The following CADPS2 variants were observed in gnomAD, a reference collection of about 807,000 sequenced individuals.
CADPS2 encodes the protein calcium-dependent secretion activator 2.
A neutral mutation model predicts 172.5 loss-of-function variants in CADPS2; 93 were observed. The observed-to-expected ratio is 0.54, with a 90% confidence interval of 0.46 to 0.64. The LOEUF (loss-of-function observed/expected upper bound fraction) is 0.64, where lower values mean the gene tolerates loss of function less well. Among genes scored for constraint, CADPS2 ranks in the 30% least tolerant of loss-of-function variants. The probability of loss-of-function intolerance (pLI) is 0.00; values close to 1 mark genes in which losing one functional copy is unlikely to be tolerated. For synonymous variants in CADPS2, 546 were observed against 555.2 expected, an observed-to-expected ratio of 0.98 and a Z score of 0.23; for missense variants, 1,420 against 1,565.9, an observed-to-expected ratio of 0.91 and a Z score of 1.57.
At chr7:122,470,556 A>G (rs1304443032) in intron 14 of CADPS2, among the ~76,000 whole-genome samples, 1 of 152,004 alleles carries the variant, frequency 6.6e-6, no homozygotes, top group African/African-American at 2.4e-5. Flanking sequence ...GTGCAGTGGC[A>G]TGATCTTGGC....
chr7:122,380,018 CAAATT>C (rs1006044534), intron 24 of CADPS2, among the ~76,000 whole-genome samples: 1 of 151,932 alleles, frequency 6.6e-6, no homozygotes, highest in Non-Finnish European at 1.5e-5. Flanking sequence ...TAGATGGTAA[CAAATT>C]AATAGGCCAT....
At chr7:122,824,338 A>G (rs1804253310) in intron 1 of CADPS2, among the ~76,000 whole-genome samples, 1 of 152,188 alleles carries the variant, frequency 6.6e-6, no homozygotes. Flanking sequence ...GCTTTTAACC[A>G]TTACCGCCAA....
intron 8 of CADPS2, among the ~76,000 whole-genome samples, chr7:122,537,845 G>T (rs1005061864): frequency 6.6e-6 from 1 of 151,366 alleles, no homozygotes; most frequent in African/African-American, 2.4e-5. Flanking sequence ...AATATTTGAA[G>T]TGAGAAAAAT....
At position 122,742,122 on chromosome 7, in the gene CADPS2, G is replaced by A. The variant is rs149260881; in HGVS notation, c.340-5054C>T. 3.5e-3 allele frequency among the ~76,000 whole-genome samples: 530 copies of A among 152,204 alleles called. 6 individuals are homozygous for A. Among genetic ancestry groups the A allele is most frequent in the African/African-American group, 0.012 (519 of 41,534 alleles). On this transcript the variant is annotated intron_variant, in intron 1 of 29. Coordinates refer to ENST00000449022, the MANE Select transcript of CADPS2 (RefSeq NM_017954.11). Reference sequence around the variant, plus strand: ...AAAATCTAAACAAACTGGGCGCAGCGGCTCATGCCTGTAATCCCAGCATTT... The same window carrying A: ...AAAATCTAAACAAACTGGGCGCAGCAGCTCATGCCTGTAATCCCAGCATTT...
intron 2 of CADPS2, chr7:122,698,459 T>C (rs776932887): frequency 6.2e-7 from 1 of 1,613,922 alleles, no homozygotes; most frequent in Non-Finnish European, 8.5e-7. Flanking sequence ...TTACCAATCA[T>C]AACCACAACG....
chr7:122,596,206 T>C (rs1025943219), intron 6 of CADPS2, among the ~76,000 whole-genome samples: 3 of 152,120 alleles, frequency 2.0e-5, no homozygotes, highest in Non-Finnish European at 2.9e-5. Flanking sequence ...AAAAATGCTA[T>C]ACACACAGGC....
intron 3 of CADPS2, among the ~76,000 whole-genome samples, chr7:122,635,386 G>A (rs1483146598): frequency 2.6e-5 from 4 of 151,396 alleles, no homozygotes; most frequent in East Asian, 3.9e-4. Context: ...CCATTAACTC[G>A]TCATTTAGCA....
rs550554434 is a variant in CADPS2, at chr7:122,554,695, T to C, written c.1336-6A>G. On this transcript the variant is annotated splice_region_variant and splice_polypyrimidine_tract_variant and intron_variant, in intron 7 of 29. Coordinates refer to ENST00000449022, the MANE Select transcript of CADPS2 (RefSeq NM_017954.11). Reference sequence around the variant, plus strand: ...GAAGTTGGGTATAATATCACCTGTATGGAAAAAAAAACCCACATTTAAACG... The same window carrying C: ...GAAGTTGGGTATAATATCACCTGTACGGAAAAAAAAACCCACATTTAAACG... 27 of 1,576,340 alleles carry C rather than the reference T, an allele frequency of 1.7e-5. No homozygotes were observed. Among genetic ancestry groups the C allele is most frequent in the South Asian group, 8.1e-5 (7 of 86,334 alleles).
rs114266073 is a variant in CADPS2 at position 122,719,330 on chromosome 7, C to T, written c.453+17625G>A. Reference sequence around the variant, plus strand: ...AACAAGCTGGAAGTCCCCAACACAGCCTTCCTCCCTGCTCTGAACTTGTTC... The same window carrying T: ...AACAAGCTGGAAGTCCCCAACACAGTCTTCCTCCCTGCTCTGAACTTGTTC... On this transcript the variant is annotated intron_variant, in intron 2 of 29. Transcript: ENST00000449022. 4.4e-3 allele frequency among the ~76,000 whole-genome samples: 670 copies of T among 152,206 alleles called. 9 individuals carry two copies. The highest frequency in any genetic ancestry group is 0.015 in the African/African-American group (621 of 41,554).
chr7:122,685,384 T>C (rs2083502980), intron 2 of CADPS2, among the ~76,000 whole-genome samples: 1 of 152,182 alleles, frequency 6.6e-6, no homozygotes, highest in Admixed American at 6.5e-5. Context: ...ATCAAATTCT[T>C]CCCAAGCCCA....
chr7:122,606,010 C>A (rs1048909990), intron 6 of CADPS2, among the ~76,000 whole-genome samples: 2 of 152,046 alleles, frequency 1.3e-5, no homozygotes, highest in African/African-American at 4.8e-5. Flanking sequence ...GATTAATAAG[C>A]AAAAACTCTT....
chr7:122,406,042 A>T (rs2046600169), intron 20 of CADPS2, among the ~76,000 whole-genome samples: 1 of 152,184 alleles, frequency 6.6e-6, no homozygotes, highest in African/African-American at 2.4e-5. Flanking sequence ...ACCAAAGCTC[A>T]TGTTGTTAAT....
chr7:122,459,763 AT>A (rs1381566087), intron 14 of CADPS2, among the ~76,000 whole-genome samples: 5 of 152,236 alleles, frequency 3.3e-5, no homozygotes, highest in Non-Finnish European at 7.3e-5. Flanking sequence ...GCCCAATGTC[AT>A]TCAATTATTT....
At chr7:122,588,371 T>C (rs989073791) in intron 6 of CADPS2, among the ~76,000 whole-genome samples, 1 of 152,050 alleles carries the variant, frequency 6.6e-6, no homozygotes, top group African/African-American at 2.4e-5. Flanking sequence ...GAGTTAATTG[T>C]TAATAAGGTG....
intron 1 of CADPS2, among the ~76,000 whole-genome samples, chr7:122,785,429 G>A (rs1377048002): frequency 1.3e-5 from 2 of 152,134 alleles, no homozygotes. Context: ...AACTGATAAT[G>A]CCCAGAACCA....
intron 7 of CADPS2, among the ~76,000 whole-genome samples, chr7:122,569,513 C>A (rs896595886): frequency 6.7e-6 from 1 of 148,212 alleles, no homozygotes; most frequent in Admixed American, 6.8e-5. Context: ...ACTTTCTTCA[C>A]AGAATTGGAA....
chr7:122,511,447 C>T (rs2059995588), intron 9 of CADPS2, among the ~76,000 whole-genome samples: 3 of 152,058 alleles, frequency 2.0e-5, no homozygotes, highest in Admixed American at 2.0e-4. Flanking sequence ...GACTGATCTA[C>T]AAAAGCCTAA....
intron 20 of CADPS2, among the ~76,000 whole-genome samples, chr7:122,406,397 TA>T (rs1334258259): frequency 1.3e-5 from 2 of 152,144 alleles, no homozygotes; most frequent in African/African-American, 2.4e-5. Flanking sequence ...TAAAGTATAA[TA>T]AAAAAAGTTC....
intron 20 of CADPS2, among the ~76,000 whole-genome samples, chr7:122,394,315 G>A (rs1365353029): frequency 6.6e-6 from 1 of 152,094 alleles, no homozygotes; most frequent in East Asian, 1.9e-4. Context: ...TGTTTTCTAT[G>A]CAGATGATAC....
Sources: gnomAD v4.1 joint callset for allele counts (sites outside exome capture counted in the v4.1 genomes callset) on GRCh38, gnomAD v4.1.1 for gene constraint, MANE v1.5 for transcripts, NCBI Gene and HGNC (gene_info 2026-07-23, HGNC 2026-07-21) for gene names.